COL4A6: variants seen among roughly 807,000 people sequenced by gnomAD.
COL4A6 encodes the protein collagen alpha-6(IV) chain.
Under a neutral mutation model 126.7 loss-of-function variants are expected in COL4A6, and 59 were observed. The observed-to-expected ratio is 0.47, with a 90% CI of 0.38 to 0.58. The LOEUF (loss-of-function observed/expected upper bound fraction) is 0.58, where lower values mean the gene tolerates loss of function less well. Among genes scored for constraint, COL4A6 ranks in the 20% least tolerant of loss-of-function variants. The pLI is 0.00. For synonymous variants in COL4A6, 547 were observed against 496.6 expected (o/e 1.10, Z -1.35); for missense variants, 1,285 against 1,337.3 (o/e 0.96, Z 0.61).
intron 2 of COL4A6, among the ~76,000 whole-genome samples, chrX:108,436,503 G>T (rs2064269601): frequency 8.9e-6 from 1 of 112,822 alleles, no homozygotes; most frequent in Admixed American, 9.3e-5. Context: ...TTTTGCTTGA[G>T]GGTATTCTGC....
intron 3 of COL4A6, among the ~76,000 whole-genome samples, chrX:108,267,469 T>C (rs915402968): frequency 8.9e-6 from 1 of 112,284 alleles, no homozygotes; most frequent in Non-Finnish European, 1.9e-5. Context: ...AAATACATTC[T>C]ACTGGACTGT....
intron 42 of COL4A6, 66 bp downstream of exon 42, chrX:108,161,553 C>T (rs995093625): frequency 2.5e-5 from 17 of 693,320 alleles, no homozygotes; most frequent in Non-Finnish European, 3.7e-5. Context: ...TTACTCACCC[C>T]CAGCCTCAAA....
chrX:108,414,619 CAAAAAAAAA>C (rs35601117), intron 2 of COL4A6, among the ~76,000 whole-genome samples: 1,294 of 77,421 alleles, frequency 0.017, 12 homozygotes, highest in African/African-American at 0.059. Flanking sequence ...GCCTCTCTCT[CAAAAAAAAA>C]AAAAAAAAGA....
chrX:108,156,227 T>TTTGA lies in COL4A6; in HGVS notation c.*769_*772dup, dbSNP rs1177285154. On this transcript the variant is annotated 3_prime_UTR_variant, in exon 45 of 45. Coordinates refer to ENST00000334504, the MANE Select transcript of COL4A6 (RefSeq NM_033641.4). The stretch of plus-strand genomic sequence containing the variant: ...AAAAAAGGCTGTCATTCTCATTTCC[T>TTTGA]TTGATAGGCTTGGCCACATTTGTTG... 2.7e-5 allele frequency: 3 copies of TTTGA among 111,887 alleles called. No homozygotes were observed. Among genetic ancestry groups the TTTGA allele is most frequent in the African/African-American group, 6.5e-5 (2 of 30,781 alleles). 9.2% of individuals were successfully genotyped at this position (111,887 alleles called of 1,213,427 possible). A position where few individuals can be genotyped will look rare whatever the true frequency, so the allele number is the denominator to read the frequency against.
chrX:108,386,590 C>T (rs1007377199), intron 2 of COL4A6, among the ~76,000 whole-genome samples: 11 of 111,074 alleles, frequency 9.9e-5, no homozygotes, highest in African/African-American at 2.9e-4. Flanking sequence ...AAATTGTTTA[C>T]GTTCTTTGTA....
chrX:108,189,832 A>C (rs1165831469), intron 20 of COL4A6, among the ~76,000 whole-genome samples: 1 of 112,249 alleles, frequency 8.9e-6, no homozygotes, highest in East Asian at 2.8e-4. Context: ...AGGCCATCCC[A>C]AAACCCCTCT....
At chrX:108,434,045 A>G (rs1380589507) in intron 2 of COL4A6, among the ~76,000 whole-genome samples, 1 of 112,109 alleles carries the variant, frequency 8.9e-6, no homozygotes, top group Admixed American at 9.4e-5. Context: ...GAAACAGTAT[A>G]CTTTACTCCA....
Position 108,164,967 on chromosome X carries a change from C to T in COL4A6, c.3880G>A (p.Gly1294Ser). ...SSNQGDTGDP[G>S]FPGIPGPKGP... Reference sequence around the variant, plus strand: ...TTAGGTCCAGGAATTCCAGGGAAGCCAGGGTCTCCGGTGTCGCCTTGATTC... The same window carrying T: ...TTAGGTCCAGGAATTCCAGGGAAGCTAGGGTCTCCGGTGTCGCCTTGATTC... Residue 1294 changes from glycine to serine, a missense_variant, in exon 39 of 45, where the codon GGC (glycine) becomes AGC (serine). Physicochemically the swap from Gly to Ser is moderately conservative, Grantham distance 56. Transcript: ENST00000334504. The T allele has an allele frequency of 2.1e-5, 26 of 1,211,298 alleles. No homozygotes were observed. The highest frequency in any genetic ancestry group is 2.9e-5 in the Non-Finnish European group (26 of 895,310).
intron 2 of COL4A6, among the ~76,000 whole-genome samples, chrX:108,404,035 G>A: frequency 9.0e-6 from 1 of 111,142 alleles, no homozygotes. Context: ...GCTATTCCAA[G>A]TCTTAACAAT....
intron 3 of COL4A6, among the ~76,000 whole-genome samples, chrX:108,299,912 A>T (rs2038440246): frequency 9.0e-6 from 1 of 111,317 alleles, no homozygotes; most frequent in South Asian, 3.8e-4. Flanking sequence ...CAAGCTTTAA[A>T]ATCTGTTTTA....
At chrX:108,248,287 A>G (rs1183849281) in intron 3 of COL4A6, among the ~76,000 whole-genome samples, 1 of 111,665 alleles carries the variant, frequency 9.0e-6, no homozygotes, top group Non-Finnish European at 1.9e-5. Context: ...TGTATGATCA[A>G]AAAGGTTTTG....
chrX:108,244,787 C>T (rs143548762), intron 3 of COL4A6, among the ~76,000 whole-genome samples: 535 of 111,515 alleles, frequency 4.8e-3, no homozygotes, highest in African/African-American at 0.017. Flanking sequence ...TAACAATTTC[C>T]TAAGGTTCAC....
chrX:108,365,400 T>C (rs1230385490), intron 2 of COL4A6, among the ~76,000 whole-genome samples: 3 of 111,982 alleles, frequency 2.7e-5, no homozygotes, highest in African/African-American at 9.7e-5. Flanking sequence ...TCTCCATTTC[T>C]TAGACCTTGA....
intron 3 of COL4A6, among the ~76,000 whole-genome samples, chrX:108,224,022 A>C (rs1450442562): frequency 8.9e-6 from 1 of 112,254 alleles, no homozygotes; most frequent in African/African-American, 3.2e-5. Flanking sequence ...GATGTGGCCC[A>C]GTCCCATCCT....
At chrX:108,415,592 A>G (rs918344839) in intron 2 of COL4A6, among the ~76,000 whole-genome samples, 1 of 112,098 alleles carries the variant, frequency 8.9e-6, no homozygotes, top group Non-Finnish European at 1.9e-5. Context: ...CAATTCAGAT[A>G]ATATATATAA....
Position 108,204,346 on chromosome X carries a change from A to T in COL4A6, c.754T>A (p.Phe252Ile). 8.3e-7 allele frequency: 1 copy of T among 1,202,538 alleles called. No individual in the cohort carries two copies. Among genetic ancestry groups the T allele is most frequent in the African/African-American group, 1.7e-5 (1 of 57,659 alleles). Residue 252 changes from phenylalanine (F) to isoleucine (I), a missense_variant, in exon 12 of 45, where the codon TTC becomes ATC. Coordinates refer to ENST00000334504, the MANE Select transcript of COL4A6 (RefSeq NM_033641.4). ...TTGGATCCTTTCTTCCCTTTGGGGA[A>T]TCCCATGAATTCCAGCTCTCCAGTA... ...PSTGELEFMG[F>I]PKGKKGSKGE...
At chrX:108,211,410 C>T (rs1461073413) in intron 7 of COL4A6, among the ~76,000 whole-genome samples, 2 of 112,823 alleles carry the variant, frequency 1.8e-5, no homozygotes, top group African/African-American at 6.4e-5. Context: ...AAAATGATAC[C>T]CATGCAAACT....
At chrX:108,433,454 C>T (rs1215325865) in intron 2 of COL4A6, among the ~76,000 whole-genome samples, 2 of 111,319 alleles carry the variant, frequency 1.8e-5, no homozygotes, top group Non-Finnish European at 1.9e-5. Flanking sequence ...GTCTTGTCAC[C>T]TACACAGTAT....
At chrX:108,230,913 AAAAG>A (rs2036288138) in intron 3 of COL4A6, among the ~76,000 whole-genome samples, 1 of 112,125 alleles carries the variant, frequency 8.9e-6, no homozygotes, top group Non-Finnish European at 1.9e-5. Flanking sequence ...AAGTAAATAA[AAAAG>A]AAAGAATGCT....
Sources: allele counts gnomAD v4.1 joint callset (sites outside exome capture counted in the v4.1 genomes callset), GRCh38; gene constraint gnomAD v4.1.1; transcripts MANE v1.5; gene names NCBI Gene and HGNC (gene_info 2026-07-23, HGNC 2026-07-21).